The following PTPRD variants were observed in gnomAD, a reference collection of about 807,000 sequenced individuals.
PTPRD encodes receptor-type tyrosine-protein phosphatase delta.
A neutral mutation model predicts 214.5 loss-of-function variants in PTPRD; 34 were observed. The observed-to-expected ratio is 0.16, with a 90% CI of 0.12 to 0.21. The LOEUF is 0.21. PTPRD is among the 10% of genes least tolerant of loss of function. The pLI is 1.00. For missense variants in PTPRD, 2,545 were observed against 2,398.7 expected (o/e 1.06, Z -1.27); for synonymous variants, 1,128 against 845.7 (o/e 1.33, Z -5.79).
At chr9:10,369,285 T>C (rs1045045549) in intron 2 of PTPRD, among the ~76,000 whole-genome samples, 3 of 152,140 alleles carry the variant, frequency 2.0e-5, no homozygotes, top group Non-Finnish European at 4.4e-5. Context: ...TCCTTTATTT[T>C]CTATTCAATT....
chr9:8,959,631 G>A (rs933053199), intron 11 of PTPRD, among the ~76,000 whole-genome samples: 1 of 151,956 alleles, frequency 6.6e-6, no homozygotes, highest in African/African-American at 2.4e-5. Context: ...GCATTTAGTA[G>A]TTGTTTAAAA....
At chr9:9,898,263 A>G (rs1003446670) in intron 5 of PTPRD, among the ~76,000 whole-genome samples, 4 of 152,104 alleles carry the variant, frequency 2.6e-5, no homozygotes, top group Non-Finnish European at 4.4e-5. Flanking sequence ...GAAAAAAGTA[A>G]CCATTTCATT....
intron 11 of PTPRD, among the ~76,000 whole-genome samples, chr9:9,001,387 G>A (rs1391160917): frequency 2.6e-5 from 4 of 151,970 alleles, no homozygotes; most frequent in African/African-American, 4.8e-5. Context: ...ACCTGTACAA[G>A]TTTACATAAC....
rs1056675410 is a variant in PTPRD, at chr9:8,471,402, G to T, written c.3414-317C>A. Among the ~76,000 whole-genome samples, 3 of 152,028 alleles carry T rather than the reference G, an allele frequency of 2.0e-5. No individual in the cohort carries two copies. The South Asian group carries it at 6.2e-4, about 31-fold the overall frequency. On this transcript the variant is annotated intron_variant, in intron 30 of 45. Transcript: ENST00000381196. ...TGGACACATACAAGGCTAGAATACT[G>T]CAATCTACCACCACAAGCTGCTGAA...
At chr9:8,743,719 T>C (rs542340315) in intron 11 of PTPRD, among the ~76,000 whole-genome samples, 1 of 151,524 alleles carries the variant, frequency 6.6e-6, no homozygotes, top group African/African-American at 2.4e-5. Flanking sequence ...AAGAACCCAA[T>C]AGCAAATGCA....
intron 8 of PTPRD, among the ~76,000 whole-genome samples, chr9:9,450,283 A>G (rs1483761909): frequency 6.6e-6 from 1 of 152,038 alleles, no homozygotes; most frequent in East Asian, 1.9e-4. Context: ...GCAGATACCC[A>G]GTAGTGAGAT....
At chr9:9,050,932 C>T (rs1175307368) in intron 10 of PTPRD, among the ~76,000 whole-genome samples, 1 of 152,108 alleles carries the variant, frequency 6.6e-6, no homozygotes, top group Non-Finnish European at 1.5e-5. Context: ...TGTCAGGCAT[C>T]CACTGGGGTC....
At chr9:8,329,798 T>C (rs1279404812) in intron 44 of PTPRD, among the ~76,000 whole-genome samples, 3 of 152,140 alleles carry the variant, frequency 2.0e-5, no homozygotes, top group African/African-American at 7.2e-5. Context: ...CTGCTGGCTT[T>C]GTTTACACTG....
intron 11 of PTPRD, among the ~76,000 whole-genome samples, chr9:8,984,102 T>G (rs2099327805): frequency 6.6e-6 from 1 of 152,082 alleles, no homozygotes; most frequent in Non-Finnish European, 1.5e-5. Flanking sequence ...ATGTGTATAT[T>G]GGAAGAGCCT....
At chr9:9,640,183 C>T (rs183606458) in intron 7 of PTPRD, among the ~76,000 whole-genome samples, 49 of 152,278 alleles carry the variant, frequency 3.2e-4, no homozygotes, top group African/African-American at 1.2e-3. Flanking sequence ...GTACCCCATT[C>T]TTCTCACCAG....
At chr9:8,784,408 A>G (rs963862305) in intron 11 of PTPRD, among the ~76,000 whole-genome samples, 2 of 152,308 alleles carry the variant, frequency 1.3e-5, no homozygotes, top group African/African-American at 2.4e-5. Flanking sequence ...AGATATTTTC[A>G]TTGCTTAAGG....
chr9:9,133,746 A>T (rs2099846395), intron 10 of PTPRD, among the ~76,000 whole-genome samples: 1 of 152,246 alleles, frequency 6.6e-6, no homozygotes, highest in South Asian at 2.1e-4. Context: ...CAGACTTTTC[A>T]ATTGTTTTTT....
chr9:10,242,009 G>T (rs776181085), intron 3 of PTPRD, among the ~76,000 whole-genome samples: 1 of 151,908 alleles, frequency 6.6e-6, no homozygotes. Flanking sequence ...CTGTTTTCAT[G>T]TCAGCACTGG....
At chr9:9,788,262 AGC>A (rs917448065) in intron 5 of PTPRD, among the ~76,000 whole-genome samples, 1 of 151,770 alleles carries the variant, frequency 6.6e-6, no homozygotes, top group African/African-American at 2.4e-5. Flanking sequence ...ATATAAAAAT[AGC>A]TCTCTGGCCG....
chr9:8,921,921 CTG>C (rs774451229), intron 11 of PTPRD, among the ~76,000 whole-genome samples: 3 of 152,044 alleles, frequency 2.0e-5, no homozygotes, highest in Admixed American at 2.0e-4. Flanking sequence ...AGATCTAAAA[CTG>C]GACACAGAAG....
chr9:8,748,572 C>T (rs928518882), intron 11 of PTPRD, among the ~76,000 whole-genome samples: 9 of 146,684 alleles, frequency 6.1e-5, no homozygotes, highest in Admixed American at 2.7e-4. Context: ...AATGCGCTTA[C>T]TTCTTCCCGT....
intron 3 of PTPRD, among the ~76,000 whole-genome samples, chr9:10,123,570 A>G (rs2098793141): frequency 6.6e-6 from 1 of 152,180 alleles, no homozygotes; most frequent in Non-Finnish European, 1.5e-5. Flanking sequence ...CTTGTTATAT[A>G]ACTACTGACA....
intron 9 of PTPRD, among the ~76,000 whole-genome samples, chr9:9,334,290 A>T (rs1489478373): frequency 6.6e-6 from 1 of 151,982 alleles, no homozygotes; most frequent in Non-Finnish European, 1.5e-5. Flanking sequence ...CAAAAAACAA[A>T]AAGAGGATTG....
intron 3 of PTPRD, among the ~76,000 whole-genome samples, chr9:10,168,447 C>T (rs1199604774): frequency 4.6e-5 from 7 of 152,194 alleles, no homozygotes; most frequent in Non-Finnish European, 8.8e-5. Flanking sequence ...TGCCTGGAAT[C>T]AGCCATGTCC....
Sources: gnomAD v4.1 joint callset for allele counts (sites outside exome capture counted in the v4.1 genomes callset) on GRCh38, gnomAD v4.1.1 for gene constraint, MANE v1.5 for transcripts, NCBI Gene and HGNC (gene_info 2026-07-23, HGNC 2026-07-21) for gene names.